MYOM1: variants seen among roughly 807,000 people sequenced by gnomAD.
MYOM1 encodes myomesin-1.
Under a neutral mutation model 205.3 loss-of-function variants are expected in MYOM1, and 164 were observed. That is an observed-to-expected ratio of 0.80 (90% CI 0.70 to 0.91). The LOEUF (loss-of-function observed/expected upper bound fraction) is 0.91. MYOM1 is among the 40% of genes least tolerant of loss of function. The pLI is 0.00. For synonymous variants in MYOM1, 772 were observed against 789.4 expected (o/e 0.98, Z 0.37); for missense variants, 2,011 against 2,127.3 (o/e 0.95, Z 1.08).
chr18:3,134,937 C>A, intron 15 of MYOM1, 113 bp from the exon 16 acceptor site: 1 of 1,066,928 alleles, frequency 9.4e-7, no homozygotes. Flanking sequence ...GTCAAAAGAA[C>A]AGCTGCTTTA....
At chr18:3,243,176 T>G in the MYOM1 span, among the ~76,000 whole-genome samples, 1 of 152,154 alleles carries the variant, frequency 6.6e-6, no homozygotes, top group African/African-American at 2.4e-5. Flanking sequence ...AAATTAATTA[T>G]TATACAGATT....
the MYOM1 span, among the ~76,000 whole-genome samples, chr18:3,225,792 C>A: frequency 2.0e-5 from 3 of 152,186 alleles, no homozygotes; most frequent in African/African-American, 7.2e-5. Flanking sequence ...CTTCTTCCCC[C>A]TCTCTGGTTA....
Position 3,094,280 on chromosome 18 carries a change from CT to C in MYOM1, c.3753del (p.Val1252LeufsTer113). The C allele has an allele frequency of 6.2e-7, 1 of 1,613,482 alleles. No homozygotes were observed. The highest frequency in any genetic ancestry group is 8.5e-7 in the Non-Finnish European group (1 of 1,179,710). ...FPTVPVKSEL[A>X]VEILEKGQVR... The stretch of plus-strand genomic sequence containing the variant: ...ACCTGGCCTTTCTCCAAAATTTCAA[CT>C]GCCAACTCTGATTTAACTGGGACAG... On this transcript the variant is annotated frameshift_variant, in exon 26 of 38. Transcript: ENST00000356443. LOFTEE classifies it high-confidence loss of function.
At chr18:3,079,794 T>C (rs1294514337) in intron 33 of MYOM1, among the ~76,000 whole-genome samples, 1 of 152,234 alleles carries the variant, frequency 6.6e-6, no homozygotes, top group East Asian at 1.9e-4. Context: ...CATCTGTGCC[T>C]GACATCTATT....
chr18:3,117,549 G>A (rs1027827030), intron 20 of MYOM1, among the ~76,000 whole-genome samples: 3 of 152,206 alleles, frequency 2.0e-5, no homozygotes, highest in African/African-American at 7.2e-5. Context: ...AATGTGGCCT[G>A]TATGAATGCT....
chr18:3,181,323 C>CTAAT (rs10689454), intron 5 of MYOM1, among the ~76,000 whole-genome samples: 97,758 of 151,484 alleles, frequency 0.65, 32,087 homozygotes, highest in African/African-American at 0.77. Context: ...ACTTTAAAAA[C>CTAAT]TATCTGAGAG....
At chr18:3,225,754 T>C in the MYOM1 span, among the ~76,000 whole-genome samples, 7,629 of 152,178 alleles carry the variant, frequency 0.05, 423 homozygotes, top group African/African-American at 0.14. Flanking sequence ...ATGGTTATGC[T>C]GATCCACACC....
chr18:3,090,025 T>C (rs1012643001), intron 27 of MYOM1, among the ~76,000 whole-genome samples: 5 of 151,930 alleles, frequency 3.3e-5, no homozygotes, highest in East Asian at 1.9e-4. Context: ...ATGGTTTGTT[T>C]CTGAGACACA....
At chr18:3,087,319 C>CA (rs2079165402) in intron 29 of MYOM1, among the ~76,000 whole-genome samples, 1 of 144,126 alleles carries the variant, frequency 6.9e-6, no homozygotes, top group Non-Finnish European at 1.5e-5. Flanking sequence ...TTTTTTTGGG[C>CA]TTTTTTTTTT....
rs760529348 is a variant in MYOM1 at position 3,086,164 on chromosome 18, C to A, written c.4138-13G>T. 4.7e-6 allele frequency: 7 copies of A among 1,502,344 alleles called. No homozygotes were observed. The Admixed American group carries it at 1.1e-4, about 24-fold the overall frequency. 93.1% of individuals were successfully genotyped at this position (1,502,344 alleles called of 1,614,324 possible). A position where few individuals can be genotyped will look rare whatever the true frequency, so the allele number is the denominator to read the frequency against. ...TAATATTTGCCACCTAGGAGAAAAA[C>A]CATAATTACTTTTCTTAAAATAAGA... On this transcript the variant is annotated splice_polypyrimidine_tract_variant and intron_variant, in intron 29 of 37. Transcript: ENST00000356443.
intron 13 of MYOM1, among the ~76,000 whole-genome samples, chr18:3,142,755 C>T (rs1453786401): frequency 6.6e-6 from 1 of 152,174 alleles, no homozygotes; most frequent in African/African-American, 2.4e-5. Context: ...GCAGGATTTA[C>T]CCTGGCTCAG....
rs1052605090 is a variant in MYOM1 at position 3,078,517 on chromosome 18, C to T, written c.4648+662G>A. Reference sequence around the variant, plus strand: ...TGATCTTGGCTCACAGCAGCCTCAACCTCCAGGGCCCAAGTGATCATCCTA... The same window carrying T: ...TGATCTTGGCTCACAGCAGCCTCAATCTCCAGGGCCCAAGTGATCATCCTA... On this transcript the variant is annotated intron_variant, in intron 34 of 37. Transcript: ENST00000356443. Among the ~76,000 whole-genome samples, 5 of 152,166 alleles carry T rather than the reference C, an allele frequency of 3.3e-5. No individual in the cohort carries two copies. In the East Asian group the frequency reaches 5.8e-4, roughly 18 times the overall value.
At chr18:3,100,492 G>T in intron 23 of MYOM1, 66 bp from the exon 24 acceptor site, 1 of 1,171,942 alleles carries the variant, frequency 8.5e-7, no homozygotes, top group Non-Finnish European at 1.3e-6. Context: ...TGTTTCCCCT[G>T]AATCTGGGCA....
chr18:3,098,372 G>A lies in MYOM1; in HGVS notation c.3727+1787C>T, dbSNP rs536535740. Among the ~76,000 whole-genome samples the A allele has an allele frequency of 2.8e-4, 43 of 152,020 alleles. 1 individual carries two copies. The highest frequency in any genetic ancestry group is 2.4e-4 in the Non-Finnish European group (16 of 68,008). ...GGCTCACTGCAACCTTCGCCTCCCG[G>A]GTTCAAGCAATTATCCTGCTTCAGC... On this transcript the variant is annotated intron_variant, in intron 25 of 37. Transcript: ENST00000356443.
chr18:3,192,201 A>T (rs189726039), intron 3 of MYOM1, among the ~76,000 whole-genome samples: 7 of 152,276 alleles, frequency 4.6e-5, no homozygotes, highest in Non-Finnish European at 1.0e-4. Flanking sequence ...ACAGAGTGGG[A>T]AAAATACTGG....
At chr18:3,218,489 G>A (rs993306137) in intron 1 of MYOM1, among the ~76,000 whole-genome samples, 4 of 151,878 alleles carry the variant, frequency 2.6e-5, no homozygotes, top group Non-Finnish European at 5.9e-5. Context: ...ATTTCCTAAG[G>A]GAAAAAAATA....
chr18:3,100,847 T>C (rs1385222023), intron 23 of MYOM1, among the ~76,000 whole-genome samples: 2 of 152,224 alleles, frequency 1.3e-5, no homozygotes, highest in Non-Finnish European at 2.9e-5. Context: ...ATAAGCATCT[T>C]GAGCTCAAAG....
intron 5 of MYOM1, among the ~76,000 whole-genome samples, chr18:3,177,260 CAAAT>C (rs1344043548): frequency 6.7e-6 from 1 of 149,302 alleles, no homozygotes; most frequent in East Asian, 1.9e-4. Context: ...AACAAACAAA[CAAAT>C]AAGCTTTTTA....
At chr18:3,175,470 T>A (rs983911380) in intron 6 of MYOM1, among the ~76,000 whole-genome samples, 1 of 152,212 alleles carries the variant, frequency 6.6e-6, no homozygotes, top group Non-Finnish European at 1.5e-5. Context: ...CGTTTTCAAA[T>A]TTTGCTTTGG....
Sources: allele counts gnomAD v4.1 joint callset (sites outside exome capture counted in the v4.1 genomes callset), GRCh38; gene constraint gnomAD v4.1.1; transcripts MANE v1.5; gene names NCBI Gene and HGNC (gene_info 2026-07-23, HGNC 2026-07-21).